MS4A3: variants seen among roughly 807,000 people sequenced by gnomAD.
The protein encoded by MS4A3 is membrane-spanning 4-domains subfamily A member 3.
A neutral mutation model predicts 24.7 loss-of-function variants in MS4A3; 18 were observed. The ratio of observed to expected loss-of-function variants is 0.73; its 90% confidence interval spans 0.50 to 1.08. MS4A3 has a LOEUF of 1.08. Ranked by LOEUF, MS4A3 falls within the 50% of genes least tolerant of loss-of-function variation. MS4A3 has a pLI of 0.00. For missense variants in MS4A3, 282 were observed against 251.7 expected (o/e 1.12, Z -0.82); for synonymous variants, 84 against 95.3 (o/e 0.88, Z 0.69).
At chr11:60,063,171 T>A (rs1223632531) in intron 3 of MS4A3, among the ~76,000 whole-genome samples, 1 of 152,196 alleles carries the variant, frequency 6.6e-6, no homozygotes, top group Non-Finnish European at 1.5e-5. Context: ...ATCTTATATA[T>A]AACTATATGT....
intron 2 of MS4A3, 150 bp from the exon 3 acceptor site, chr11:60,062,318 T>C (rs1340073719): frequency 1.1e-6 from 1 of 910,594 alleles, no homozygotes; most frequent in East Asian, 2.6e-5. Flanking sequence ...AAAAACTCTT[T>C]CAGATAAGCT....
intron 4 of MS4A3, among the ~76,000 whole-genome samples, chr11:60,065,318 C>A (rs1855343054): frequency 6.6e-6 from 1 of 151,060 alleles, no homozygotes; most frequent in Non-Finnish European, 1.5e-5. Context: ...TCCCAAAAGG[C>A]TGGGGTTACA....
chr11:60,068,751 C>T (rs1446122256), intron 5 of MS4A3, among the ~76,000 whole-genome samples: 4 of 151,996 alleles, frequency 2.6e-5, no homozygotes, highest in Non-Finnish European at 4.4e-5. Flanking sequence ...ACGTGCACAA[C>T]GTTCAGGTTT....
chr11:60,068,833 G>A (rs576525716), intron 5 of MS4A3, among the ~76,000 whole-genome samples: 71 of 152,074 alleles, frequency 4.7e-4, no homozygotes, highest in Middle Eastern at 3.4e-3. Flanking sequence ...AGGTATTTCT[G>A]TTAATGCTAT....
At position 60,067,101 on chromosome 11, in the gene MS4A3, T is replaced by C. The variant is rs1855374742; in HGVS notation, c.502T>C (p.Ser168Pro). 6.2e-7 allele frequency: 1 copy of C among 1,605,080 alleles called. No homozygotes were observed. Among genetic ancestry groups the C allele is most frequent in the Non-Finnish European group, 8.5e-7 (1 of 1,177,554 alleles). ...ESPDLCNYMG[S>P]ISNGMVSLLL... ...ACCGGACCTATGCAATTACATGGGC[T>C]CCATATCAAATGTATGTTTCTGAAA... Residue 168 changes from serine (S) to proline (P), a missense_variant, in exon 5 of 7, where the codon TCC (serine) becomes CCC (proline). Transcript: ENST00000278865.
chr11:60,069,148 GTT>G (rs2134670353), intron 5 of MS4A3, among the ~76,000 whole-genome samples: 1 of 152,222 alleles, frequency 6.6e-6, no homozygotes, highest in South Asian at 2.1e-4. Flanking sequence ...TTAGCTCAGT[GTT>G]TTAGTTTCTA....
intron 2 of MS4A3, among the ~76,000 whole-genome samples, chr11:60,062,014 A>T (rs527386230): frequency 6.3e-4 from 96 of 152,310 alleles, no homozygotes; most frequent in African/African-American, 2.2e-3. Context: ...GAGGAGGCTG[A>T]GCTCTATGAA....
At chr11:60,063,500 G>A (rs563856172) in intron 3 of MS4A3, among the ~76,000 whole-genome samples, 291 of 152,158 alleles carry the variant, frequency 1.9e-3, no homozygotes, top group Middle Eastern at 3.4e-3. Context: ...ATTTTTTGAT[G>A]GGATTGTTTG....
chr11:60,070,443 G>GA lies in MS4A3; in HGVS notation c.*212dup. The stretch of plus-strand genomic sequence containing the variant: ...ATCCTATTTGTGTGTCGTGGGTATG[G>GA]AAGGACAGATATATTTCTTTAGGCA... On this transcript the variant is annotated 3_prime_UTR_variant, in exon 7 of 7. Transcript: ENST00000278865. 1 of 500,450 alleles carries GA rather than the reference G, an allele frequency of 2.0e-6. No individual in the cohort carries two copies. The highest frequency in any genetic ancestry group is 3.5e-6 in the Non-Finnish European group (1 of 285,178). The allele number at this position is 500,450 out of a possible 1,614,324, so 31.0% of individuals were successfully genotyped here.
intron 5 of MS4A3, among the ~76,000 whole-genome samples, chr11:60,068,297 T>G (rs1454804388): frequency 7.1e-6 from 1 of 141,024 alleles, no homozygotes; most frequent in African/African-American, 2.6e-5. Flanking sequence ...TGGAGTGCAG[T>G]GGCGCCATCT....
intron 1 of MS4A3, 126 bp from the exon 2 acceptor site, chr11:60,061,020 G>A: frequency 1.4e-6 from 1 of 732,656 alleles, no homozygotes; most frequent in African/African-American, 1.8e-5. Context: ...CTCTGCCCTG[G>A]TGTCCCATTT....
chr11:60,061,081 C>T, intron 1 of MS4A3, 65 bp from the exon 2 acceptor site: 1 of 1,463,468 alleles, frequency 6.8e-7, no homozygotes. Context: ...CTGTAACACT[C>T]AAAATTTTAG....
chr11:60,062,587 G>T lies in MS4A3; in HGVS notation c.276G>T (p.Pro92=). The change falls in exon 3 of 7, where the codon CCG becomes CCT. Residue 92 remains proline (P), a synonymous_variant. Transcript: ENST00000278865. ...FFFFTFYTGY[P]IWGAVFFCSS... ...TCTTCACCTTCTACACAGGCTACCCGATTTGGGGTGCTGTGTTTGTGAGTA... is the reference window on the plus strand; with the variant it reads ...TCTTCACCTTCTACACAGGCTACCCTATTTGGGGTGCTGTGTTTGTGAGTA... 6.2e-7 allele frequency: 1 copy of T among 1,613,970 alleles called. No homozygotes were observed. The highest frequency in any genetic ancestry group is 8.5e-7 in the Non-Finnish European group (1 of 1,179,962).
chr11:60,064,695 G>A (rs1392915494), intron 4 of MS4A3, among the ~76,000 whole-genome samples: 1 of 152,136 alleles, frequency 6.6e-6, no homozygotes. Context: ...TTCTTAGTGA[G>A]TCACGTAGCC....
rs549843116 is a variant in MS4A3, at chr11:60,068,008, C to T, written c.513+896C>T. ...CGGAGGTTGCGGTGAGCCGAGATTGCGCCATTGCACTCCAGCCTGGGCAAA... is the reference window on the plus strand; with the variant it reads ...CGGAGGTTGCGGTGAGCCGAGATTGTGCCATTGCACTCCAGCCTGGGCAAA... On this transcript the variant is annotated intron_variant, in intron 5 of 6. Transcript: ENST00000278865. Among the ~76,000 whole-genome samples the T allele has an allele frequency of 2.5e-4, 38 of 151,806 alleles. 1 individual carries two copies. The highest frequency in any genetic ancestry group is 6.3e-4 in the African/African-American group (26 of 41,452).
chr11:60,058,506 CAAAAAAAAAAAAAAAAAAAA>C (rs58722616), intron 1 of MS4A3, among the ~76,000 whole-genome samples: 238 of 17,888 alleles, frequency 0.013, 6 homozygotes, highest in African/African-American at 0.027. Flanking sequence ...AGCTCCAACT[CAAAAAAAAAAAAAAAAAAAA>C]AAAAAAAAAA....
chr11:60,063,813 C>G (rs1855315698), intron 3 of MS4A3, among the ~76,000 whole-genome samples: 1 of 152,070 alleles, frequency 6.6e-6, no homozygotes, highest in South Asian at 2.1e-4. Flanking sequence ...GGGAGCTAAG[C>G]TATGAGGATG....
At chr11:60,061,349 G>A in intron 2 of MS4A3, 33 bp downstream of exon 2, 1 of 1,578,366 alleles carries the variant, frequency 6.3e-7, no homozygotes, top group Non-Finnish European at 8.6e-7. Context: ...ACTGATTTAA[G>A]AGGGAAGAAA....
chr11:60,059,125 A>G (rs1855226400), intron 1 of MS4A3, among the ~76,000 whole-genome samples: 1 of 152,194 alleles, frequency 6.6e-6, no homozygotes, highest in African/African-American at 2.4e-5. Context: ...TAAATGTTTT[A>G]TCAGTATTGG....
Sources: gnomAD v4.1 joint callset for allele counts (sites outside exome capture counted in the v4.1 genomes callset) on GRCh38, gnomAD v4.1.1 for gene constraint, MANE v1.5 for transcripts, NCBI Gene and HGNC (gene_info 2026-07-23, HGNC 2026-07-21) for gene names.